Variants in DNAH2 observed in about 807,000 individuals in gnomAD.
DNAH2 encodes axonemal beta dynein heavy chain 2.
Under a neutral mutation model 523.5 loss-of-function variants are expected in DNAH2, and 323 were observed. That is an observed-to-expected ratio of 0.62 (90% CI 0.56 to 0.68). The LOEUF (loss-of-function observed/expected upper bound fraction) is 0.68. Among genes scored for constraint, DNAH2 ranks in the 30% least tolerant of loss-of-function variants. The pLI, the probability that DNAH2 is intolerant of heterozygous loss-of-function variation, is 0.00. For missense variants in DNAH2, 4,907 were observed against 5,701.5 expected (o/e 0.86, Z 4.49); for synonymous variants, 2,093 against 2,177.4 (o/e 0.96, Z 1.08).
chr17:7,779,159 A>G, intron 35 of DNAH2, 84 bp from the exon 36 acceptor site: 2 of 1,528,554 alleles, frequency 1.3e-6, no homozygotes, highest in Admixed American at 1.8e-5. Context: ...CTATTGAAAC[A>G]TTTGAAGGAA....
chr17:7,821,864 C>T lies in DNAH2; in HGVS notation c.11142+495C>T, dbSNP rs569765342. The stretch of plus-strand genomic sequence containing the variant: ...GCGCTTTAAGTCCATGATCGTGAAC[C>T]TCAAGGAGGCCCCTAAGGCTTCCAG... On this transcript the variant is annotated intron_variant, in intron 73 of 85. Coordinates refer to ENST00000572933, the MANE Select transcript of DNAH2 (RefSeq NM_020877.5). The surrounding 1 kb of genome is among the most constrained non-coding windows in gnomAD (Gnocchi z 5.0). 6.6e-6 allele frequency among the ~76,000 whole-genome samples: 1 copy of T among 152,274 alleles called. No individual in the cohort carries two copies. Among genetic ancestry groups the T allele is most frequent in the South Asian group, 2.1e-4 (1 of 4,824 alleles).
In DNAH2 at chr17:7,787,033, G is replaced by A; in HGVS notation, c.6603G>A (p.Gln2201=). 6.2e-7 allele frequency: 1 copy of A among 1,613,990 alleles called. No individual in the cohort carries two copies. The stretch of plus-strand genomic sequence containing the variant: ...GCGAGCGCATCGCGATGCCCGAGCA[G>A]GTCAGGGACGCGGCTGACTCCTGGA... ...INGERIAMPE[Q]VSLLFEVEDL... The change falls in exon 42 of 86, where the codon CAG becomes CAA. Residue 2201 remains glutamine (Q), a splice_region_variant and synonymous_variant. Transcript: ENST00000572933.
Position 7,831,503 on chromosome 17 carries a change from G to A in DNAH2, c.12573G>A (p.Gln4191=). The change falls in exon 81 of 86, where the codon CAG becomes CAA. Residue 4191 remains glutamine, a synonymous_variant. Coordinates refer to ENST00000572933, the MANE Select transcript of DNAH2 (RefSeq NM_020877.5). This position sits in a 1 kb window ranked among gnomAD's most constrained non-coding sequence, Gnocchi z 4.2. The part of the protein sequence containing the change: ...DPSPLNVVLL[Q]EIQRYNTLMQ... ...CCCCCCTCAATGTGGTCCTTCTGCA[G>A]GAGATCCAGAGATACAACACACTGA... 6.2e-7 allele frequency: 1 copy of A among 1,614,218 alleles called. No individual in the cohort carries two copies. Among genetic ancestry groups the A allele is most frequent in the Non-Finnish European group, 8.5e-7 (1 of 1,180,034 alleles).
chr17:7,833,355 G>C, intron 85 of DNAH2, 24 bp from the exon 86 acceptor site: 1 of 1,612,676 alleles, frequency 6.2e-7, no homozygotes, highest in South Asian at 1.1e-5. Context: ...CCAGGGGTCT[G>C]ACTTCTCCTC....
intron 78 of DNAH2, 64 bp from the exon 79 acceptor site, chr17:7,830,594 G>A: frequency 6.2e-7 from 1 of 1,608,688 alleles, no homozygotes; most frequent in African/African-American, 1.3e-5. Context: ...CTGTGTTGAA[G>A]CCCCATTGGC....
rs566343957 is a variant in DNAH2, at chr17:7,785,825, A to G, written c.6130-299A>G. Among the ~76,000 whole-genome samples the G allele has an allele frequency of 5.3e-5, 8 of 152,358 alleles. No individual in the cohort carries two copies. In the East Asian group the frequency reaches 1.3e-3, roughly 26 times the overall value. ...ATAAATATTTGCTGAATAATAACAA[A>G]AAGTGTGTAGAGCTACATGTAAGAC... On this transcript the variant is annotated intron_variant, in intron 39 of 85. Transcript: ENST00000572933.
At chr17:7,783,275 C>G (rs891932101) in intron 39 of DNAH2, among the ~76,000 whole-genome samples, 2 of 151,988 alleles carry the variant, frequency 1.3e-5, no homozygotes, top group African/African-American at 4.8e-5. Flanking sequence ...CGGGGTTTCT[C>G]CATGTTGGTC....
rs780038787 is a variant in DNAH2, at chr17:7,797,521, C to T, written c.8071C>T (p.Pro2691Ser). 6.2e-7 allele frequency: 1 copy of T among 1,614,198 alleles called. No homozygotes were observed. The highest frequency in any genetic ancestry group is 8.5e-7 in the Non-Finnish European group (1 of 1,180,038). The change falls in exon 52 of 86, where the codon CCT becomes TCT. Residue 2691 changes from proline to serine, a missense_variant. Physicochemically the swap from Pro to Ser is moderately conservative, Grantham distance 74. Coordinates refer to ENST00000572933, the MANE Select transcript of DNAH2 (RefSeq NM_020877.5). ...FHHLCPSKRP[P>S]IFGDFLKEPK... is the part of the protein sequence containing the mutation. ...TCATCTCTGTCCCAGCAAGCGTCCT[C>T]CTATCTTTGGTGAGCCAGGAGCTGT...
rs553697780 is a variant in DNAH2, at chr17:7,741,911, C to T, written c.1689+919C>T. ...CTCCCGACCTCAGGTGATCCACCCA[C>T]CTTGGCCTCCCAAATTGCTGGGATT... On this transcript the variant is annotated intron_variant, in intron 11 of 85. Coordinates refer to ENST00000572933, the MANE Select transcript of DNAH2 (RefSeq NM_020877.5). Among the ~76,000 whole-genome samples, 11 of 151,748 alleles carry T rather than the reference C, an allele frequency of 7.2e-5. No homozygotes were observed. The South Asian group carries it at 2.3e-3, about 32-fold the overall frequency.
In DNAH2 at chr17:7,817,434, A is replaced by C; in HGVS notation, c.10020+19A>C. Reference sequence around the variant, plus strand: ...CGGGAAGGTGAGATGGGACTCAGGCATGACAAGTAGGCTCCGAGACCAGGG... The same window carrying C: ...CGGGAAGGTGAGATGGGACTCAGGCCTGACAAGTAGGCTCCGAGACCAGGG... On this transcript the variant is annotated intron_variant, in intron 65 of 85. Transcript: ENST00000572933. The C allele has an allele frequency of 1.2e-6, 2 of 1,613,824 alleles. No homozygotes were observed. Among genetic ancestry groups the C allele is most frequent in the Non-Finnish European group, 1.7e-6 (2 of 1,179,974 alleles).
rs556146869 is a variant in DNAH2, at chr17:7,728,442, G to A, written c.399+1150G>A. On this transcript the variant is annotated intron_variant, in intron 4 of 85. Transcript: ENST00000572933. ...TGACGCAATTTGTGAAGCATTCTGC[G>A]TTGAACATGGGCAGAAGAACTTTTG... 1.6e-3 allele frequency among the ~76,000 whole-genome samples: 250 copies of A among 152,250 alleles called. 1 individual carries two copies. The highest frequency in any genetic ancestry group is 6.8e-3 in the Middle Eastern group (2 of 294).
intron 58 of DNAH2, among the ~76,000 whole-genome samples, 164 bp from the exon 59 acceptor site, chr17:7,804,092 A>T (rs2077296498): frequency 6.6e-6 from 1 of 152,144 alleles, no homozygotes; most frequent in African/African-American, 2.4e-5. Context: ...GTTGGCAATG[A>T]CCCAGGCAGG....
intron 12 of DNAH2, 75 bp downstream of exon 12, chr17:7,743,217 T>C (rs772939129): frequency 9.3e-6 from 13 of 1,396,152 alleles, no homozygotes; most frequent in Non-Finnish European, 9.1e-6. Context: ...TCCCATCTTT[T>C]GACTCCTCTC....
At chr17:7,793,241 C>T (rs2151275418) in intron 48 of DNAH2, 36 bp downstream of exon 48, 2 of 1,597,508 alleles carry the variant, frequency 1.3e-6, no homozygotes, top group Non-Finnish European at 1.7e-6. Context: ...CAGGCCTCTG[C>T]TCCTTCTGGG....
rs555135724 is a variant in DNAH2 at position 7,785,170 on chromosome 17, C to T, written c.6130-954C>T. On this transcript the variant is annotated intron_variant, in intron 39 of 85. Transcript: ENST00000572933. ...AGGCTGGAGTGCAGTGGTGAGATTT[C>T]GGCTCACTGCAACCTCCGCCTCCCA... Among the ~76,000 whole-genome samples, 14 of 149,490 alleles carry T rather than the reference C, an allele frequency of 9.4e-5. No individual in the cohort carries two copies. The South Asian group carries it at 2.5e-3, about 27-fold the overall frequency.
chr17:7,779,527 A>G (rs1280570933), intron 36 of DNAH2, 104 bp downstream of exon 36: 26 of 1,236,920 alleles, frequency 2.1e-5, no homozygotes, highest in Non-Finnish European at 2.8e-5. Context: ...GAATGTATAT[A>G]GCTAAGTGAA....
Position 7,778,148 on chromosome 17 carries a change from G to A in DNAH2, c.5319G>A (p.Ser1773=), listed in dbSNP as rs758968189. 8.1e-6 allele frequency: 13 copies of A among 1,614,078 alleles called. No homozygotes were observed. Among genetic ancestry groups the A allele is most frequent in the Middle Eastern group, 1.6e-4 (1 of 6,084 alleles). ...FQYNYEYLGN[S]GRLVITPLTD... ...ATAATTATGAGTACTTGGGTAACTC[G>A]GGCCGGCTCGTCATCACCCCCCTGA... Residue 1773 remains serine (S), a synonymous_variant, in exon 34 of 86, where the codon TCG becomes TCA. Coordinates refer to ENST00000572933, the MANE Select transcript of DNAH2 (RefSeq NM_020877.5).
chr17:7,831,766 C>A lies in DNAH2; in HGVS notation c.12717C>A (p.Leu4239=). The A allele has an allele frequency of 6.2e-7, 1 of 1,613,606 alleles. No homozygotes were observed. The highest frequency in any genetic ancestry group is 8.5e-7 in the Non-Finnish European group (1 of 1,179,648). The change falls in exon 82 of 86, where the codon CTC becomes CTA. Residue 4239 remains leucine, a synonymous_variant. Transcript: ENST00000572933. The surrounding 1 kb of genome is among the most constrained non-coding windows in gnomAD (Gnocchi z 4.2). The stretch of plus-strand genomic sequence containing the variant: ...TCTTTGATGCCCATGTTCCTCCGCT[C>A]TGGGGAAAGGCAAGATTATACCATT... The part of the protein sequence containing the change: ...NCIFDAHVPP[L]WGKAYPSQKP...
chr17:7,829,030 A>T (rs531586460), intron 77 of DNAH2, among the ~76,000 whole-genome samples: 1,667 of 143,154 alleles, frequency 0.012, 41 homozygotes, highest in African/African-American at 0.034. Flanking sequence ...TATTATTATT[A>T]TTTTTTTTTT....
Sources: gnomAD v4.1 joint callset for allele counts (sites outside exome capture counted in the v4.1 genomes callset) on GRCh38, gnomAD v4.1.1 for gene constraint, Gnocchi (gnomAD v3.1) non-coding constraint, MANE v1.5 for transcripts, NCBI Gene and HGNC (gene_info 2026-07-23, HGNC 2026-07-21) for gene names.